DSCAM: variants seen among roughly 807,000 people sequenced by gnomAD.
DSCAM encodes the protein DS cell adhesion molecule, also known as cell adhesion molecule DSCAM.
Under a neutral mutation model 217.7 loss-of-function variants are expected in DSCAM, and 47 were observed. The ratio of observed to expected loss-of-function variants is 0.22; its 90% confidence interval spans 0.17 to 0.28. The LOEUF (loss-of-function observed/expected upper bound fraction) is 0.28, where lower values mean the gene tolerates loss of function less well. DSCAM is among the 10% of genes least tolerant of loss of function. The probability of loss-of-function intolerance (pLI) is 1.00; values close to 1 mark genes in which losing one functional copy is unlikely to be tolerated. For missense variants in DSCAM, 2,080 were observed against 2,618.3 expected, an observed-to-expected ratio of 0.79 and a Z score of 4.49; for synonymous variants, 1,056 against 1,015.3, an observed-to-expected ratio of 1.04 and a Z score of -0.76.
intron 3 of DSCAM, among the ~76,000 whole-genome samples, chr21:40,448,467 G>A (rs751964049): frequency 6.6e-6 from 1 of 152,092 alleles, no homozygotes; most frequent in African/African-American, 2.4e-5. Context: ...ATACCACTGG[G>A]TCCCCTGGTT....
intron 1 of DSCAM, among the ~76,000 whole-genome samples, chr21:40,743,822 TG>T (rs2091148653): frequency 6.6e-6 from 1 of 152,140 alleles, no homozygotes; most frequent in Non-Finnish European, 1.5e-5. Context: ...TCAAATCTGC[TG>T]ACCAATAGAT....
rs575975993 is a variant in DSCAM at position 40,174,647 on chromosome 21, G to A, written c.2947+4280C>T. On this transcript the variant is annotated intron_variant, in intron 15 of 32. Coordinates refer to ENST00000400454, the MANE Select transcript of DSCAM (RefSeq NM_001389.5). ...CAATGAATGGAGGATGGGAACTATGGCTCACTGAGGGGGTATGGTCAGCCT... is the reference window on the plus strand; with the variant it reads ...CAATGAATGGAGGATGGGAACTATGACTCACTGAGGGGGTATGGTCAGCCT... 1.7e-3 allele frequency among the ~76,000 whole-genome samples: 260 copies of A among 152,088 alleles called. 2 individuals are homozygous for A. The highest frequency in any genetic ancestry group is 6.1e-3 in the African/African-American group (254 of 41,484).
Position 40,024,754 on chromosome 21 carries a change from CTTAAGGAGATT to C in DSCAM, c.5687-11379_5687-11369del, listed in dbSNP as rs1363050777. 2.7e-5 allele frequency among the ~76,000 whole-genome samples: 2 copies of C among 74,964 alleles called. 1 individual carries two copies. Among genetic ancestry groups the C allele is most frequent in the African/African-American group, 1.0e-4 (2 of 19,670 alleles). 49.2% of individuals were successfully genotyped at this position (74,964 alleles called of 152,430 possible). ...AGACTTTGCTGAAGTTGCTTATCAG[CTTAAGGAGATT>C]TTGGGCTGAGACAGTGGGGTTTTCT... On this transcript the variant is annotated intron_variant, in intron 32 of 32. Transcript: ENST00000400454.
At chr21:40,112,848 C>G (rs2089917603) in intron 20 of DSCAM, among the ~76,000 whole-genome samples, 1 of 152,240 alleles carries the variant, frequency 6.6e-6, no homozygotes, top group East Asian at 1.9e-4. Flanking sequence ...CAAATACACC[C>G]TCCCAAGACT....
In DSCAM at chr21:40,720,738, C is replaced by T. The variant is rs1474747944; in HGVS notation, c.44-11967G>A. ...CCTTATGAGTGGCCCAGCTTACTTCCTGAGTTTCTAAGATAATTCCAAAAG... is the reference window on the plus strand; with the variant it reads ...CCTTATGAGTGGCCCAGCTTACTTCTTGAGTTTCTAAGATAATTCCAAAAG... On this transcript the variant is annotated intron_variant, in intron 1 of 32. Coordinates refer to ENST00000400454, the MANE Select transcript of DSCAM (RefSeq NM_001389.5). Among the ~76,000 whole-genome samples the T allele has an allele frequency of 4.6e-5, 7 of 151,534 alleles. No homozygotes were observed. The South Asian group carries it at 1.2e-3, about 27-fold the overall frequency.
intron 3 of DSCAM, among the ~76,000 whole-genome samples, chr21:40,532,995 G>A (rs557307925): frequency 1.4e-3 from 219 of 152,018 alleles, no homozygotes; most frequent in South Asian, 6.1e-3. Context: ...GTGAGGGATG[G>A]CACAGTCATC....
At chr21:40,213,640 G>A (rs1306900469) in intron 11 of DSCAM, among the ~76,000 whole-genome samples, 2 of 152,152 alleles carry the variant, frequency 1.3e-5, no homozygotes, top group Non-Finnish European at 2.9e-5. Context: ...TTCTAGAAGC[G>A]AAGGGAAACC....
At chr21:40,073,139 G>A (rs1334605860) in intron 27 of DSCAM, among the ~76,000 whole-genome samples, 1 of 152,158 alleles carries the variant, frequency 6.6e-6, no homozygotes, top group African/African-American at 2.4e-5. Flanking sequence ...CTCAGCGAGA[G>A]GAAATGCACA....
At chr21:40,674,042 C>T (rs1268981283) in intron 3 of DSCAM, among the ~76,000 whole-genome samples, 2 of 152,184 alleles carry the variant, frequency 1.3e-5, no homozygotes, top group Admixed American at 6.5e-5. Flanking sequence ...CTTTGACATT[C>T]GTGCTGCATG....
chr21:40,284,629 G>T (rs1192036653), intron 10 of DSCAM, among the ~76,000 whole-genome samples: 2 of 152,224 alleles, frequency 1.3e-5, no homozygotes, highest in Non-Finnish European at 2.9e-5. Flanking sequence ...GCCTGTGGGA[G>T]AACTACAAAT....
At chr21:40,123,171 G>A (rs1309985884) in intron 20 of DSCAM, among the ~76,000 whole-genome samples, 1 of 151,938 alleles carries the variant, frequency 6.6e-6, no homozygotes, top group African/African-American at 2.4e-5. Flanking sequence ...GTGTTTAATG[G>A]GGACAGAGTT....
rs193275161 is a variant in DSCAM at position 40,727,231 on chromosome 21, T to C, written c.44-18460A>G. Reference sequence around the variant, plus strand: ...TAGGAGTCTCAAACACGCAAGACTTTAAAAAATCTGTTGATTGGAACCCTG... The same window carrying C: ...TAGGAGTCTCAAACACGCAAGACTTCAAAAAATCTGTTGATTGGAACCCTG... On this transcript the variant is annotated intron_variant, in intron 1 of 32. Coordinates refer to ENST00000400454, the MANE Select transcript of DSCAM (RefSeq NM_001389.5). 3.1e-3 allele frequency among the ~76,000 whole-genome samples: 479 copies of C among 152,264 alleles called. 2 individuals carry two copies. The highest frequency in any genetic ancestry group is 5.1e-3 in the Non-Finnish European group (347 of 68,024).
chr21:40,021,808 AT>A (rs2088277928), intron 32 of DSCAM, among the ~76,000 whole-genome samples: 1 of 152,092 alleles, frequency 6.6e-6, no homozygotes, highest in Non-Finnish European at 1.5e-5. Context: ...AAATGTACAG[AT>A]TCCTTCTGCA....
At chr21:40,700,808 C>T (rs956577422) in intron 2 of DSCAM, among the ~76,000 whole-genome samples, 3 of 150,692 alleles carry the variant, frequency 2.0e-5, no homozygotes, top group Non-Finnish European at 2.9e-5. Context: ...ACAATCTTGG[C>T]TTACTGTAAC....
At chr21:40,288,377 C>T (rs1278906630) in intron 10 of DSCAM, among the ~76,000 whole-genome samples, 1 of 152,124 alleles carries the variant, frequency 6.6e-6, no homozygotes, top group Non-Finnish European at 1.5e-5. Flanking sequence ...ATTTATGATC[C>T]TCCAAATTTT....
At chr21:40,093,639 G>GT in intron 21 of DSCAM, 82 bp downstream of exon 21, 1 of 1,497,904 alleles carries the variant, frequency 6.7e-7, no homozygotes, top group Non-Finnish European at 9.2e-7. Context: ...TTAGGAAAGT[G>GT]TAAGTTTTAT....
At chr21:40,515,789 T>G (rs1169244320) in intron 3 of DSCAM, among the ~76,000 whole-genome samples, 1 of 152,152 alleles carries the variant, frequency 6.6e-6, no homozygotes, top group East Asian at 1.9e-4. Context: ...AAATTATTCT[T>G]CAAACAATAT....
At chr21:40,225,671 G>A (rs936219304) in intron 11 of DSCAM, among the ~76,000 whole-genome samples, 8 of 152,052 alleles carry the variant, frequency 5.3e-5, no homozygotes, top group African/African-American at 1.9e-4. Context: ...CTATATTCCC[G>A]GAGGCCAGTT....
intron 30 of DSCAM, among the ~76,000 whole-genome samples, chr21:40,050,942 C>A (rs56292711): frequency 7.2e-5 from 11 of 152,310 alleles, no homozygotes; most frequent in Non-Finnish European, 1.3e-4. Context: ...GTAGAATATT[C>A]TTGAAAACAT....
Sources: gnomAD v4.1 joint callset for allele counts (sites outside exome capture counted in the v4.1 genomes callset) on GRCh38, gnomAD v4.1.1 for gene constraint, MANE v1.5 for transcripts, NCBI Gene and HGNC (gene_info 2026-07-23, HGNC 2026-07-21) for gene names.